The following TOR3A variants were observed in gnomAD, a reference collection of about 807,000 sequenced individuals.
TOR3A encodes the protein torsin family 3 member A.
TOR3A carries 44 observed loss-of-function variants against 42.1 expected under a neutral mutation model. That is an observed-to-expected ratio of 1.04 (90% CI 0.82 to 1.34). The LOEUF is 1.34. Ranked by LOEUF, TOR3A falls within the 40% of genes most tolerant of loss-of-function variation. The probability of loss-of-function intolerance (pLI) is 0.00; values close to 1 mark genes in which losing one functional copy is unlikely to be tolerated. For missense variants in TOR3A, 521 were observed against 507.6 expected, an observed-to-expected ratio of 1.03 and a Z score of -0.25; for synonymous variants, 227 against 213.2, an observed-to-expected ratio of 1.06 and a Z score of -0.57.
chr1:179,093,249 T>G (rs919280481), intron 4 of TOR3A, among the ~76,000 whole-genome samples: 3 of 152,164 alleles, frequency 2.0e-5, no homozygotes, highest in Non-Finnish European at 2.9e-5. Context: ...CCTTTCTCCC[T>G]CCTATCTCTA....
intron 4 of TOR3A, among the ~76,000 whole-genome samples, chr1:179,089,995 T>A (rs901367446): frequency 4.0e-5 from 6 of 150,266 alleles, no homozygotes; most frequent in African/African-American, 1.3e-4. Context: ...GCAAATGTTA[T>A]AGCCTTTGTA....
Position 179,095,700 on chromosome 1 carries a change from G to A in TOR3A, c.*482G>A. 1 of 995,788 alleles carries A rather than the reference G, an allele frequency of 1.0e-6. No individual in the cohort carries two copies. Among genetic ancestry groups the A allele is most frequent in the African/African-American group, 1.7e-5 (1 of 57,460 alleles). 61.7% of individuals were successfully genotyped at this position (995,788 alleles called of 1,614,324 possible). A position where few individuals can be genotyped will look rare whatever the true frequency, so the allele number is the denominator to read the frequency against. The stretch of plus-strand genomic sequence containing the variant: ...GGGTTACAGAGCCGGGGAGAACGAA[G>A]TTCTGTGACCCAGGGGTGGAGAATA... On this transcript the variant is annotated 3_prime_UTR_variant, in exon 6 of 6. Transcript: ENST00000367627.
At position 179,095,634 on chromosome 1, in the gene TOR3A, G is replaced by C. The variant is rs1041693391; in HGVS notation, c.*416G>C. 1.6e-5 allele frequency: 17 copies of C among 1,034,090 alleles called. No individual in the cohort carries two copies. In the African/African-American group the frequency reaches 2.9e-4, roughly 18 times the overall value. The allele number at this position is 1,034,090 out of a possible 1,614,324, so 64.1% of individuals were successfully genotyped here. A position where few individuals can be genotyped will look rare whatever the true frequency, so the allele number is the denominator to read the frequency against. ...CTTAGCATCTCAGCTCTTCTGCAAGGAAGAGCTTGGGTGTTAGGCCTCAGA... is the reference window on the plus strand; with the variant it reads ...CTTAGCATCTCAGCTCTTCTGCAAGCAAGAGCTTGGGTGTTAGGCCTCAGA... On this transcript the variant is annotated 3_prime_UTR_variant, in exon 6 of 6. Coordinates refer to ENST00000367627, the MANE Select transcript of TOR3A (RefSeq NM_022371.4).
chr1:179,085,571 TGTG>T lies in TOR3A; in HGVS notation c.374-52_374-50del, dbSNP rs779853548. ...GCTTGGTTTCTTGGCTGTTGGCTGT[TGTG>T]GTGGATGGGCCTGTGTGTGCCTTTT... On this transcript the variant is annotated intron_variant, in intron 2 of 5. Coordinates refer to ENST00000367627, the MANE Select transcript of TOR3A (RefSeq NM_022371.4). 13 of 1,590,054 alleles carry T rather than the reference TGTG, an allele frequency of 8.2e-6. No individual in the cohort carries two copies. The African/African-American group carries it at 1.2e-4, about 15-fold the overall frequency.
intron 2 of TOR3A, 25 bp from the exon 3 acceptor site, chr1:179,085,603 G>A: frequency 6.2e-7 from 1 of 1,608,742 alleles, no homozygotes; most frequent in Non-Finnish European, 8.5e-7. Context: ...GCCTTTTGCT[G>A]TGACTACCTC....
At chr1:179,088,164 G>GC in intron 4 of TOR3A, 75 bp downstream of exon 4, 1 of 1,427,892 alleles carries the variant, frequency 7.0e-7, no homozygotes, top group Non-Finnish European at 9.4e-7. Flanking sequence ...GCTTCCACAC[G>GC]CCCCCAGGTT....
intron 4 of TOR3A, among the ~76,000 whole-genome samples, chr1:179,089,745 C>T (rs771861720): frequency 1.1e-4 from 16 of 152,138 alleles, no homozygotes; most frequent in Non-Finnish European, 1.9e-4. Flanking sequence ...ACCACCGATG[C>T]GGAAGCCAGT....
Position 179,085,894 on chromosome 1 carries a change from G to C in TOR3A, c.639+1G>C. ...CCCCAAATATGTGGACCTGTACAAG[G>C]TGAGGCCGACCAGGGCTGGGGTGAG... On this transcript the variant is annotated splice_donor_variant, in intron 3 of 5. Transcript: ENST00000367627. LOFTEE classifies it high-confidence loss of function. 1 of 1,612,852 alleles carries C rather than the reference G, an allele frequency of 6.2e-7. No homozygotes were observed. Among genetic ancestry groups the C allele is most frequent in the East Asian group, 2.2e-5 (1 of 44,864 alleles).
Position 179,086,032 on chromosome 1 carries a change from C to T in TOR3A, c.639+139C>T, listed in dbSNP as rs112523481. 219 of 1,029,356 alleles carry T rather than the reference C, an allele frequency of 2.1e-4. 1 individual carries two copies. In the Middle Eastern group the frequency reaches 2.2e-3, roughly 11 times the overall value. The allele number at this position is 1,029,356 out of a possible 1,614,324, so 63.8% of individuals were successfully genotyped here. On this transcript the variant is annotated intron_variant, in intron 3 of 5. Transcript: ENST00000367627. The stretch of plus-strand genomic sequence containing the variant: ...GGCAGAACCTGTGACAGAGCCACTC[C>T]GTCCACTCCTCACAGAGGCCCTTAG...
chr1:179,087,698 C>T (rs1652467958), intron 3 of TOR3A, among the ~76,000 whole-genome samples: 1 of 151,840 alleles, frequency 6.6e-6, no homozygotes, highest in South Asian at 2.1e-4. Context: ...GCTTTCAACC[C>T]TCAGGGTGCT....
At chr1:179,087,720 T>C (rs979231466) in intron 3 of TOR3A, among the ~76,000 whole-genome samples, 191 bp from the exon 4 acceptor site, 5 of 147,600 alleles carry the variant, frequency 3.4e-5, no homozygotes, top group African/African-American at 1.2e-4. Context: ...GAGAATCACC[T>C]GGGAGCTGGT....
rs1450886897 is a variant in TOR3A at position 179,095,225 on chromosome 1, G to A, written c.*7G>A. ...TAACTACTTCCTGTCATGAAGGCTA[G>A]AGGAAGACTTCCTGGAACTGCCTTT... is the stretch of plus-strand genomic sequence containing the variant. On this transcript the variant is annotated 3_prime_UTR_variant, in exon 6 of 6. Coordinates refer to ENST00000367627, the MANE Select transcript of TOR3A (RefSeq NM_022371.4). The A allele has an allele frequency of 1.9e-6, 3 of 1,613,578 alleles. No individual in the cohort carries two copies. The highest frequency in any genetic ancestry group is 1.3e-5 in the African/African-American group (1 of 74,884).
intron 1 of TOR3A, 34 bp from the exon 2 acceptor site, chr1:179,082,906 T>G (rs1572571735): frequency 1.4e-6 from 2 of 1,418,734 alleles, no homozygotes; most frequent in South Asian, 1.3e-5. Context: ...CACCGGATGG[T>G]CTCCTCTCGG....
In TOR3A at chr1:179,095,809, C is replaced by T. The variant is rs1652726282; in HGVS notation, c.*591C>T. ...CTGCTTCTGTTGTGAGCGAATCAGC[C>T]AAGAGCCTGAGGCTGAAGGGAAAAG... On this transcript the variant is annotated 3_prime_UTR_variant, in exon 6 of 6. Transcript: ENST00000367627. 2.0e-6 allele frequency: 2 copies of T among 986,582 alleles called. No homozygotes were observed. Among genetic ancestry groups the T allele is most frequent in the Non-Finnish European group, 2.4e-6 (2 of 831,244 alleles). The allele number at this position is 986,582 out of a possible 1,614,324, so 61.1% of individuals were successfully genotyped here. A position where few individuals can be genotyped will look rare whatever the true frequency, so the allele number is the denominator to read the frequency against.
At position 179,095,061 on chromosome 1, in the gene TOR3A, G is replaced by A; in HGVS notation, c.1037G>A (p.Cys346Tyr). 1 of 1,614,214 alleles carries A rather than the reference G, an allele frequency of 6.2e-7. No homozygotes were observed. Among genetic ancestry groups the A allele is most frequent in the South Asian group, 1.1e-5 (1 of 91,090 alleles). ...LPLEYRHVRL[C>Y]ARDAFLSQEL... is the part of the protein sequence containing the mutation. ...TTGGAGTACCGTCACGTGAGGCTGT[G>A]TGCACGGGATGCCTTCCTGAGCCAG... Residue 346 changes from cysteine (C) to tyrosine (Y), a missense_variant, in exon 6 of 6, where the codon TGT (cysteine) becomes TAT (tyrosine). Coordinates refer to ENST00000367627, the MANE Select transcript of TOR3A (RefSeq NM_022371.4).
rs757633758 is a variant in TOR3A, at chr1:179,083,080, C to CT, written c.373+28dup. ...TTGGACCCCGCATGGCTTCAAGGGG[C>CT]TAGGGATCTGTGGGGAGGGGAGGCA... On this transcript the variant is annotated intron_variant, in intron 2 of 5. Transcript: ENST00000367627. 36 of 1,396,926 alleles carry CT rather than the reference C, an allele frequency of 2.6e-5. 1 individual carries two copies. The South Asian group carries it at 5.1e-4, about 20-fold the overall frequency. 86.5% of individuals were successfully genotyped at this position (1,396,926 alleles called of 1,614,324 possible).
In TOR3A at chr1:179,095,642, T is replaced by G; in HGVS notation, c.*424T>G. ...CTCAGCTCTTCTGCAAGGAAGAGCTTGGGTGTTAGGCCTCAGAGGCTGTAG... is the reference window on the plus strand; with the variant it reads ...CTCAGCTCTTCTGCAAGGAAGAGCTGGGGTGTTAGGCCTCAGAGGCTGTAG... On this transcript the variant is annotated 3_prime_UTR_variant, in exon 6 of 6. Coordinates refer to ENST00000367627, the MANE Select transcript of TOR3A (RefSeq NM_022371.4). 1 of 1,027,048 alleles carries G rather than the reference T, an allele frequency of 9.7e-7. No homozygotes were observed. The highest frequency in any genetic ancestry group is 3.9e-5 in the South Asian group (1 of 25,806). 63.6% of individuals were successfully genotyped at this position (1,027,048 alleles called of 1,614,324 possible).
At chr1:179,094,527 G>C (rs1382694861) in intron 5 of TOR3A, among the ~76,000 whole-genome samples, 4 of 152,150 alleles carry the variant, frequency 2.6e-5, no homozygotes, top group Non-Finnish European at 4.4e-5. Context: ...TAGAGTTCTT[G>C]ACATACGCTG....
At position 179,095,990 on chromosome 1, in the gene TOR3A, C is replaced by T. The variant is rs1128952; in HGVS notation, c.*772C>T. 302,469 of 983,830 alleles carry T rather than the reference C, an allele frequency of 0.31. 48,167 individuals carry two copies. Among genetic ancestry groups the T allele is most frequent in the African/African-American group, 0.51 (28,916 of 57,176 alleles). The allele number at this position is 983,830 out of a possible 1,614,324, so 60.9% of individuals were successfully genotyped here. On this transcript the variant is annotated 3_prime_UTR_variant, in exon 6 of 6. Transcript: ENST00000367627. The stretch of plus-strand genomic sequence containing the variant: ...TGATAAGATTAAAATTTTTGATTTT[C>T]CTAAAATCCTTGGCGTACTTTCTGT...
Sources: allele counts gnomAD v4.1 joint callset (sites outside exome capture counted in the v4.1 genomes callset), GRCh38; gene constraint gnomAD v4.1.1; transcripts MANE v1.5; gene names NCBI Gene and HGNC (gene_info 2026-07-23, HGNC 2026-07-21).